ATP1B1: variants seen among roughly 807,000 people sequenced by gnomAD.
The protein encoded by ATP1B1 is sodium/potassium-transporting ATPase subunit beta-1.
ATP1B1 carries 3 observed loss-of-function variants against 39.6 expected under a neutral mutation model. That is an observed-to-expected ratio of 0.08 (90% CI 0.03 to 0.20). ATP1B1 has a LOEUF of 0.20. ATP1B1 is among the 10% of genes least tolerant of loss of function. ATP1B1 has a pLI of 1.00. For missense variants in ATP1B1, 216 were observed against 371.1 expected, an observed-to-expected ratio of 0.58 and a Z score of 3.43; for synonymous variants, 139 against 135.0, an observed-to-expected ratio of 1.03 and a Z score of -0.20.
At chr1:169,109,770 G>A (rs922539259) in intron 1 of ATP1B1, among the ~76,000 whole-genome samples, 6 of 151,872 alleles carry the variant, frequency 4.0e-5, no homozygotes, top group Non-Finnish European at 8.8e-5. Context: ...ACCAAGATGA[G>A]GTGGGGGTGG....
chr1:169,116,054 C>G (rs990055244), intron 2 of ATP1B1, among the ~76,000 whole-genome samples: 5 of 152,370 alleles, frequency 3.3e-5, no homozygotes, highest in Admixed American at 6.5e-5. Context: ...CACGCACACC[C>G]ACGTGCATGC....
chr1:169,116,562 C>T (rs949025604), intron 2 of ATP1B1, among the ~76,000 whole-genome samples: 1 of 152,002 alleles, frequency 6.6e-6, no homozygotes, highest in African/African-American at 2.4e-5. Flanking sequence ...TCTTAAAACT[C>T]ATTAGGGGCC....
At position 169,111,640 on chromosome 1, in the gene ATP1B1, G is replaced by T. The variant is rs56215648; in HGVS notation, c.226+142G>T. 0.013 allele frequency: 15,735 copies of T among 1,225,674 alleles called. 1,328 individuals carry two copies. In the African/African-American group the frequency reaches 0.19, roughly 15 times the overall value. The allele number at this position is 1,225,674 out of a possible 1,614,324, so 75.9% of individuals were successfully genotyped here. On this transcript the variant is annotated intron_variant, in intron 2 of 5. Transcript: ENST00000367815. ...AAAGGGAAAAGAGAAACTTCTCTCG[G>T]CTGCAGCCAGATGTCCTACCCGCAT... is the stretch of plus-strand genomic sequence containing the variant.
chr1:169,128,198 T>C (rs933024729), intron 4 of ATP1B1, among the ~76,000 whole-genome samples: 1 of 152,160 alleles, frequency 6.6e-6, no homozygotes, highest in Non-Finnish European at 1.5e-5. Context: ...TTCTGGCAGG[T>C]TTCCCCCTAA....
chr1:169,116,143 A>G (rs1434551111), intron 2 of ATP1B1, among the ~76,000 whole-genome samples: 5 of 152,234 alleles, frequency 3.3e-5, no homozygotes, highest in African/African-American at 1.2e-4. Context: ...CCTGGCCCTG[A>G]TTTGACCCTG....
At chr1:169,114,818 G>T (rs1657805576) in intron 2 of ATP1B1, among the ~76,000 whole-genome samples, 1 of 151,928 alleles carries the variant, frequency 6.6e-6, no homozygotes, top group Non-Finnish European at 1.5e-5. Context: ...GAAGGCAGGG[G>T]TTCAAGACCA....
chr1:169,107,718 A>G (rs1657631304), intron 1 of ATP1B1, among the ~76,000 whole-genome samples: 1 of 152,024 alleles, frequency 6.6e-6, no homozygotes, highest in Non-Finnish European at 1.5e-5. Context: ...TTTTCCATCG[A>G]AAATTAGATT....
intron 2 of ATP1B1, among the ~76,000 whole-genome samples, chr1:169,118,657 A>G (rs1302310147): frequency 6.6e-6 from 1 of 152,208 alleles, no homozygotes. Flanking sequence ...GTATGCATAC[A>G]TATGTGTGTG....
intron 5 of ATP1B1, among the ~76,000 whole-genome samples, chr1:169,130,650 G>A (rs1658191778): frequency 6.6e-6 from 1 of 151,990 alleles, no homozygotes; most frequent in African/African-American, 2.4e-5. Context: ...AGCTGGGCGT[G>A]GCGGCGCGTG....
In ATP1B1 at chr1:169,109,502, A is replaced by G. The variant is rs116445010; in HGVS notation, c.98-1868A>G. 5.5e-3 allele frequency among the ~76,000 whole-genome samples: 833 copies of G among 152,268 alleles called. 8 individuals are homozygous for G. The highest frequency in any genetic ancestry group is 0.019 in the African/African-American group (802 of 41,544). ...AGTAACTAGGGAGATTTTATCAACTAACATCTCAGAGCAAAAAGGGAAAAT... is the reference window on the plus strand; with the variant it reads ...AGTAACTAGGGAGATTTTATCAACTGACATCTCAGAGCAAAAAGGGAAAAT... On this transcript the variant is annotated intron_variant, in intron 1 of 5. Transcript: ENST00000367815.
intron 3 of ATP1B1, among the ~76,000 whole-genome samples, chr1:169,125,248 A>G (rs986491406): frequency 2.0e-5 from 3 of 152,218 alleles, no homozygotes; most frequent in Non-Finnish European, 4.4e-5. Context: ...TCTGCATTGG[A>G]AAGGTGTCTT....
At chr1:169,130,527 G>T (rs10800403) in intron 5 of ATP1B1, among the ~76,000 whole-genome samples, 16,834 of 151,998 alleles carry the variant, frequency 0.11, 2,173 homozygotes, top group East Asian at 0.73. Flanking sequence ...AGTGGCTCAC[G>T]CCTGTAATCC....
In ATP1B1 at chr1:169,131,418, C is replaced by T; in HGVS notation, c.775C>T (p.Leu259=). Residue 259 remains leucine, a synonymous_variant, in exon 6 of 6, where the codon CTG becomes TTG. Coordinates refer to ENST00000367815, the MANE Select transcript of ATP1B1 (RefSeq NM_001677.4). This position sits in a 1 kb window ranked among gnomAD's most constrained non-coding sequence, Gnocchi z 4.4. ...GCAGCCCAAATACCTGCAGCCCCTG[C>T]TGGCCGTACAGTTCACCAATCTTAC... ...LLQPKYLQPL[L]AVQFTNLTMD... 1 of 1,614,180 alleles carries T rather than the reference C, an allele frequency of 6.2e-7. No individual in the cohort carries two copies.
Position 169,106,855 on chromosome 1 carries a change from A to C in ATP1B1, c.26A>C (p.Glu9Ala). The change falls in exon 1 of 6, where the codon GAG (glutamate) becomes GCG (alanine). Residue 9 changes from glutamate to alanine, a missense_variant. Glu to Ala is a moderately radical substitution (Grantham distance 107). Transcript: ENST00000367815. ...ATGGCCCGCGGGAAAGCCAAGGAGG[A>C]GGGCAGCTGGAAGAAATTCATCTGG... MARGKAKEEGSWKKFIWNS... is the reference protein window; with the variant it reads MARGKAKEAGSWKKFIWNS... 1 of 1,585,220 alleles carries C rather than the reference A, an allele frequency of 6.3e-7. No homozygotes were observed. Among genetic ancestry groups the C allele is most frequent in the Non-Finnish European group, 8.6e-7 (1 of 1,168,276 alleles).
intron 2 of ATP1B1, among the ~76,000 whole-genome samples, chr1:169,115,787 G>A: frequency 6.6e-6 from 1 of 152,222 alleles, no homozygotes; most frequent in East Asian, 1.9e-4. Flanking sequence ...CCATGGAAAT[G>A]TTTAAGAGAC....
chr1:169,126,777 A>C (rs985946868), intron 3 of ATP1B1, among the ~76,000 whole-genome samples: 4 of 152,228 alleles, frequency 2.6e-5, no homozygotes, highest in Non-Finnish European at 5.9e-5. Flanking sequence ...CTGACCAAAA[A>C]AAAAACCTAG....
In ATP1B1 at chr1:169,131,248, G is replaced by C. The variant is rs765189024; in HGVS notation, c.649-44G>C. 9 of 1,597,502 alleles carry C rather than the reference G, an allele frequency of 5.6e-6. No individual in the cohort carries two copies. Among genetic ancestry groups the C allele is most frequent in the Non-Finnish European group, 7.7e-6 (9 of 1,171,430 alleles). On this transcript the variant is annotated intron_variant, in intron 5 of 5. Transcript: ENST00000367815. This position sits in a 1 kb window ranked among gnomAD's most constrained non-coding sequence, Gnocchi z 4.4. ...CTTGTTTTTGAGTACACATAGTGAT[G>C]CATGATGTGAGCCATTAAAATTTCA...
Position 169,125,178 on chromosome 1 carries a change from T to A in ATP1B1, c.382+139T>A, listed in dbSNP as rs1471648926. 3 of 1,167,136 alleles carry A rather than the reference T, an allele frequency of 2.6e-6. No individual in the cohort carries two copies. In the East Asian group the frequency reaches 7.5e-5, roughly 29 times the overall value. The allele number at this position is 1,167,136 out of a possible 1,614,324, so 72.3% of individuals were successfully genotyped here. ...TGAACTCTGGCCATATTTAGACACT[T>A]TTTTTAAAAAAAGCAGGAAGACACA... is the stretch of plus-strand genomic sequence containing the variant. On this transcript the variant is annotated intron_variant, in intron 3 of 5. Coordinates refer to ENST00000367815, the MANE Select transcript of ATP1B1 (RefSeq NM_001677.4).
chr1:169,116,993 A>G (rs935098485), intron 2 of ATP1B1, among the ~76,000 whole-genome samples: 9 of 152,206 alleles, frequency 5.9e-5, no homozygotes, highest in African/African-American at 1.4e-4. Context: ...ACCCCCCGCA[A>G]ACTACCTCAT....
Sources: gnomAD v4.1 joint callset for allele counts (sites outside exome capture counted in the v4.1 genomes callset) on GRCh38, gnomAD v4.1.1 for gene constraint, Gnocchi (gnomAD v3.1) non-coding constraint, MANE v1.5 for transcripts, NCBI Gene and HGNC (gene_info 2026-07-23, HGNC 2026-07-21) for gene names.